The following TMEM217 variants were observed in gnomAD, a reference collection of about 807,000 sequenced individuals.
TMEM217 encodes chromosome 6 open reading frame 128.
For missense variants in TMEM217, 204 were observed against 248.8 expected (o/e 0.82, Z 1.21); for synonymous variants, 76 against 88.3 (o/e 0.86, Z 0.78).
rs972071024 is a variant in TMEM217, at chr6:37,250,723, ATGTG to A, written c.-12+6841_-12+6844del. 2.7e-4 allele frequency among the ~76,000 whole-genome samples: 41 copies of A among 152,364 alleles called. No individual in the cohort carries two copies. The East Asian group carries it at 6.6e-3, about 24-fold the overall frequency. On this transcript the variant is annotated intron_variant, in intron 1 of 1. Transcript: ENST00000357219. ...TGCACGCACACACACACGTGTATGT[ATGTG>A]TAAGTGTAAAAAAGCTGGGAAAAAT...
chr6:37,257,612 C>T, exon 1 of TMEM217: 1 of 416,906 alleles, frequency 2.4e-6, no homozygotes, highest in East Asian at 4.5e-5. Context: ...CCCCGCCTCT[C>T]GGCTCGTCCA....
At chr6:37,213,710 C>T (rs925949428), downstream of TMEM217, among the ~76,000 whole-genome samples, 6 of 152,204 alleles carry the variant, frequency 3.9e-5, no homozygotes, top group Non-Finnish European at 8.8e-5. Context: ...ACCTGGTGCC[C>T]GAGCCGACCC....
At position 37,218,423 on chromosome 6, in the gene TMEM217, T is replaced by C. The variant is rs1763337716; in HGVS notation, c.608A>G (p.Ter203TrpextTer30). The C allele has an allele frequency of 1.3e-6, 2 of 1,593,130 alleles. No individual in the cohort carries two copies. The highest frequency in any genetic ancestry group is 1.7e-6 in the Non-Finnish European group (2 of 1,167,176). ...AACTCCTGACCTCAGGCGATCCACCTACCTCTGCCTCTCAAAGTACTGGGA... is the reference window on the plus strand; with the variant it reads ...AACTCCTGACCTCAGGCGATCCACCCACCTCTGCCTCTCAAAGTACTGGGA... The change falls in exon 2 of 2, where the codon TAG becomes TGG. Residue 203 changes from the stop codon to tryptophan (W), a stop_lost. Coordinates refer to ENST00000357219, the Ensembl canonical transcript of TMEM217.
At chr6:37,222,637 C>T (rs535353405) in intron 1 of TMEM217, among the ~76,000 whole-genome samples, 10 of 152,350 alleles carry the variant, frequency 6.6e-5, no homozygotes, top group African/African-American at 2.4e-4. Flanking sequence ...GCAGATCCTG[C>T]CTATTCCCGG....
chr6:37,218,166 T>TA (rs1269011326), exon 2 of TMEM217: 6 of 1,137,676 alleles, frequency 5.3e-6, no homozygotes, highest in Non-Finnish European at 3.2e-6. Flanking sequence ...ATAAAGCTGC[T>TA]AACTTTTTTT....
chr6:37,240,311 C>CT (rs1295828170), intron 1 of TMEM217, among the ~76,000 whole-genome samples: 4 of 152,216 alleles, frequency 2.6e-5, no homozygotes, highest in African/African-American at 9.7e-5. Context: ...TGGGGGCCAT[C>CT]TAAAGGCTCT....
intron 1 of TMEM217, among the ~76,000 whole-genome samples, chr6:37,233,788 A>T (rs994649017): frequency 1.3e-5 from 2 of 152,152 alleles, no homozygotes; most frequent in African/African-American, 4.8e-5. Flanking sequence ...GTTACTAACT[A>T]ACTAACTAAC....
chr6:37,240,713 G>A (rs1008612125), intron 1 of TMEM217, among the ~76,000 whole-genome samples: 1 of 152,114 alleles, frequency 6.6e-6, no homozygotes, highest in African/African-American at 2.4e-5. Context: ...ATGTATGTGT[G>A]TGTATTTGAG....
intron 1 of TMEM217, among the ~76,000 whole-genome samples, chr6:37,248,796 T>A (rs1218415380): frequency 1.3e-5 from 2 of 152,226 alleles, no homozygotes; most frequent in Non-Finnish European, 2.9e-5. Context: ...ATATCCTGCA[T>A]GAGCTTCCTA....
intron 1 of TMEM217, among the ~76,000 whole-genome samples, chr6:37,235,329 G>T (rs1764439539): frequency 6.6e-6 from 1 of 152,090 alleles, no homozygotes; most frequent in South Asian, 2.1e-4. Context: ...GAACACCACA[G>T]ACTGGGTAAT....
downstream of TMEM217, among the ~76,000 whole-genome samples, chr6:37,216,030 T>TGAGA (rs1468555152): frequency 0.013 from 1,731 of 128,240 alleles, 27 homozygotes; most frequent in Middle Eastern, 0.079. Flanking sequence ...TGTGTGTGTG[T>TGAGA]GTGAGAAACA....
At chr6:37,241,002 CT>C (rs1764738574) in intron 1 of TMEM217, among the ~76,000 whole-genome samples, 2 of 151,590 alleles carry the variant, frequency 1.3e-5, no homozygotes, top group South Asian at 2.1e-4. Context: ...TTTTACTGAC[CT>C]TTTTGCAAGT....
chr6:37,224,584 C>T (rs1013789015), intron 1 of TMEM217, among the ~76,000 whole-genome samples: 6 of 149,812 alleles, frequency 4.0e-5, no homozygotes, highest in Non-Finnish European at 7.4e-5. Flanking sequence ...GGTGACAGAG[C>T]GAGACTCCTC....
intron 1 of TMEM217, among the ~76,000 whole-genome samples, chr6:37,231,431 T>C (rs1236789111): frequency 6.7e-6 from 1 of 150,304 alleles, no homozygotes; most frequent in Non-Finnish European, 1.5e-5. Flanking sequence ...TCCCAGCACT[T>C]TGGGAGGCCG....
intron 1 of TMEM217, among the ~76,000 whole-genome samples, chr6:37,237,078 C>G (rs1271675376): frequency 6.6e-6 from 1 of 152,160 alleles, no homozygotes; most frequent in Non-Finnish European, 1.5e-5. Flanking sequence ...CCTCAGAAGT[C>G]CCATAGCAAC....
At chr6:37,217,710 G>C in exon 2 of TMEM217, 1 of 985,244 alleles carries the variant, frequency 1.0e-6, no homozygotes, top group Non-Finnish European at 1.2e-6. Flanking sequence ...GGAAATCATA[G>C]CACAAACCCA....
chr6:37,222,912 C>T (rs1763620907), intron 1 of TMEM217, among the ~76,000 whole-genome samples: 1 of 152,170 alleles, frequency 6.6e-6, no homozygotes, highest in South Asian at 2.1e-4. Flanking sequence ...GTAGCAGCCA[C>T]TGCCATTACT....
chr6:37,228,430 G>A (rs893081593), intron 1 of TMEM217, among the ~76,000 whole-genome samples: 25 of 152,236 alleles, frequency 1.6e-4, no homozygotes, highest in Admixed American at 1.4e-3. Context: ...AAGGCCAGGC[G>A]TGATGGCTCA....
At chr6:37,238,742 G>A (rs1275349979) in intron 1 of TMEM217, among the ~76,000 whole-genome samples, 4 of 152,228 alleles carry the variant, frequency 2.6e-5, no homozygotes, top group Non-Finnish European at 5.9e-5. Context: ...GTAGGCTAAG[G>A]ATGCCAACAT....
Sources: gnomAD v4.1 joint callset for allele counts (sites outside exome capture counted in the v4.1 genomes callset) on GRCh38, gnomAD v4.1.1 for gene constraint, MANE v1.5 for transcripts, NCBI Gene and HGNC (gene_info 2026-07-23, HGNC 2026-07-21) for gene names.